Variants in ELL2 observed in about 807,000 individuals in gnomAD.
ELL2 encodes the protein RNA polymerase II elongation factor ELL2.
Under a neutral mutation model 72.8 loss-of-function variants are expected in ELL2, and 21 were observed. The ratio of observed to expected loss-of-function variants is 0.29; its 90% CI spans 0.20 to 0.42. ELL2 has a LOEUF of 0.42. Among genes scored for constraint, ELL2 ranks in the 10% least tolerant of loss-of-function variants. ELL2 has a pLI of 1.00. For missense variants in ELL2, 568 were observed against 772.8 expected (o/e 0.73, Z 3.14); for synonymous variants, 266 against 283.2 (o/e 0.94, Z 0.61).
intron 2 of ELL2, among the ~76,000 whole-genome samples, chr5:95,923,803 C>A (rs1187977516): frequency 6.6e-6 from 1 of 152,176 alleles, no homozygotes; most frequent in Non-Finnish European, 1.5e-5. Flanking sequence ...AATTTTACAT[C>A]CTTAAAATTT....
At chr5:95,927,426 C>CACACACACGTGTGTATATAGACAT (rs1561504335) in intron 2 of ELL2, among the ~76,000 whole-genome samples, 1 of 44,272 alleles carries the variant, frequency 2.3e-5, no homozygotes, top group Non-Finnish European at 3.7e-5. Context: ...TATAGACATA[C>CACACACACGTGTGTATATAGACAT]ACACACACGT....
At position 95,894,468 on chromosome 5, in the gene ELL2, TG is replaced by T. The variant is rs1333207621; in HGVS notation, c.1589+1159del. On this transcript the variant is annotated intron_variant, in intron 9 of 11. Coordinates refer to ENST00000237853, the MANE Select transcript of ELL2 (RefSeq NM_012081.6). ...TAAAGACTTCTAAGGAGAAGTCGTT[TG>T]CAGTTAAAGAGGTGAACCCCCTCAG... Among the ~76,000 whole-genome samples, 3 of 152,222 alleles carry T rather than the reference TG, an allele frequency of 2.0e-5. No individual in the cohort carries two copies. In the East Asian group the frequency reaches 5.8e-4, roughly 29 times the overall value.
chr5:95,887,606 TG>T lies in ELL2; in HGVS notation c.*1264del, dbSNP rs1370821933. The stretch of plus-strand genomic sequence containing the variant: ...TTATGTTCCCACATGATAAAACAAG[TG>T]ACAGTTTAAATCAATGTCAACAGAT... On this transcript the variant is annotated 3_prime_UTR_variant, in exon 12 of 12. Transcript: ENST00000237853. 2 of 152,632 alleles carry T rather than the reference TG, an allele frequency of 1.3e-5. No individual in the cohort carries two copies. Among genetic ancestry groups the T allele is most frequent in the African/African-American group, 4.8e-5 (2 of 41,452 alleles). 9.5% of individuals were successfully genotyped at this position (152,632 alleles called of 1,614,324 possible).
intron 1 of ELL2, among the ~76,000 whole-genome samples, chr5:95,950,305 G>A (rs1237243126): frequency 6.6e-6 from 1 of 151,910 alleles, no homozygotes; most frequent in Admixed American, 6.6e-5. Flanking sequence ...TTTTTTCTTT[G>A]TTCTTTAAGA....
chr5:95,912,741 C>A (rs1749652778), intron 4 of ELL2, among the ~76,000 whole-genome samples: 1 of 152,142 alleles, frequency 6.6e-6, no homozygotes, highest in Non-Finnish European at 1.5e-5. Context: ...AGCTAAGCAC[C>A]AAGCCCCAGG....
At chr5:95,907,296 A>ATATATATATATATATTTTTTT in intron 4 of ELL2, among the ~76,000 whole-genome samples, 46 of 116,466 alleles carry the variant, frequency 3.9e-4, no homozygotes, top group African/African-American at 1.8e-3. Flanking sequence ...ATATATATAT[A>ATATATATATATATATTTTTTT]TTTTTTTTTT....
intron 2 of ELL2, among the ~76,000 whole-genome samples, chr5:95,920,326 T>TA (rs1750007202): frequency 6.9e-6 from 1 of 145,944 alleles, no homozygotes; most frequent in Non-Finnish European, 1.5e-5. Flanking sequence ...TTTATTTATT[T>TA]TTGAGACGGA....
chr5:95,894,687 T>C (rs565222716), intron 9 of ELL2, among the ~76,000 whole-genome samples: 235 of 152,356 alleles, frequency 1.5e-3, no homozygotes, highest in African/African-American at 4.8e-3. Flanking sequence ...ACCAGCATTA[T>C]GGTTTCATAC....
chr5:95,899,343 T>TA (rs1749035684), intron 7 of ELL2, among the ~76,000 whole-genome samples: 1 of 152,240 alleles, frequency 6.6e-6, no homozygotes, highest in African/African-American at 2.4e-5. Context: ...ATGCTCCAGT[T>TA]AAGAGTATTT....
chr5:95,910,795 G>A (rs1749560269), intron 4 of ELL2, among the ~76,000 whole-genome samples: 3 of 152,118 alleles, frequency 2.0e-5, no homozygotes, highest in South Asian at 4.1e-4. Context: ...TTGTCCTGCA[G>A]GTACCTCGAA....
At chr5:95,958,468 G>A (rs984393743) in intron 1 of ELL2, among the ~76,000 whole-genome samples, 2 of 152,146 alleles carry the variant, frequency 1.3e-5, no homozygotes, top group African/African-American at 2.4e-5. Context: ...AAGTACCAAC[G>A]GTACATTCAG....
At chr5:95,922,253 A>T (rs1190914265) in intron 2 of ELL2, among the ~76,000 whole-genome samples, 1 of 152,154 alleles carries the variant, frequency 6.6e-6, no homozygotes. Flanking sequence ...TAGTAGACAC[A>T]GGGTTTCACT....
At chr5:95,899,823 G>C (rs1370754098) in intron 7 of ELL2, among the ~76,000 whole-genome samples, 1 of 152,176 alleles carries the variant, frequency 6.6e-6, no homozygotes, top group African/African-American at 2.4e-5. Context: ...CACAGACATT[G>C]TATATATGCA....
At chr5:95,895,781 A>G in intron 8 of ELL2, 90 bp from the exon 9 acceptor site, 1 of 1,008,648 alleles carries the variant, frequency 9.9e-7, no homozygotes, top group East Asian at 2.4e-5. Context: ...AAACATCTGG[A>G]ACACTTTTCC....
rs1452894563 is a variant in ELL2 at position 95,961,526 on chromosome 5, G to C, written c.147+49C>G. On this transcript the variant is annotated intron_variant, in intron 1 of 11. Coordinates refer to ENST00000237853, the MANE Select transcript of ELL2 (RefSeq NM_012081.6). ...GCACCCGGGCGCGGCCAGGCCGTGA[G>C]GGGTGCGCTCTGCCTCTCTGAGCCC... 6.0e-6 allele frequency: 9 copies of C among 1,489,016 alleles called. No homozygotes were observed. In the East Asian group the frequency reaches 2.6e-4, roughly 42 times the overall value. The allele number at this position is 1,489,016 out of a possible 1,614,324, so 92.2% of individuals were successfully genotyped here.
chr5:95,948,453 A>AAAAAAAAAAAAAAAAAC (rs1751258288), intron 1 of ELL2, among the ~76,000 whole-genome samples: 1 of 144,982 alleles, frequency 6.9e-6, no homozygotes. Flanking sequence ...AAAAAAAAAA[A>AAAAAAAAAAAAAAAAAC]GCCACAGGAA....
rs138056188 is a variant in ELL2, at chr5:95,946,073, G to A, written c.148-3024C>T. Among the ~76,000 whole-genome samples, 191 of 152,200 alleles carry A rather than the reference G, an allele frequency of 1.3e-3. 1 individual carries two copies. The highest frequency in any genetic ancestry group is 4.5e-3 in the African/African-American group (188 of 41,534). On this transcript the variant is annotated intron_variant, in intron 1 of 11. Coordinates refer to ENST00000237853, the MANE Select transcript of ELL2 (RefSeq NM_012081.6). ...CTATTGGAGGCTCTCTCAATTTTTT[G>A]TATAAGAGAGTTGCTCAAAGAAGTG... is the stretch of plus-strand genomic sequence containing the variant.
Position 95,898,393 on chromosome 5 carries a change from A to G in ELL2, c.1372T>C (p.Ser458Pro). ...GACTTCTTTTTGGACTTTTTGTGAG[A>G]CATTGAATGGTTTTCTTCCATAGGC... Reference protein sequence around the residue: ...PKPMEENHSMSHKKSKKKSKK... With the variant: ...PKPMEENHSMPHKKSKKKSKK... The change falls in exon 8 of 12, where the codon TCT becomes CCT. Residue 458 changes from serine (S) to proline (P), a missense_variant. Coordinates refer to ENST00000237853, the MANE Select transcript of ELL2 (RefSeq NM_012081.6). The G allele has an allele frequency of 6.2e-7, 1 of 1,613,238 alleles. No homozygotes were observed. The highest frequency in any genetic ancestry group is 8.5e-7 in the Non-Finnish European group (1 of 1,179,856).
In ELL2 at chr5:95,889,286, C is replaced by G. The variant is rs557774968; in HGVS notation, c.1762-156G>C. 6.9e-4 allele frequency among the ~76,000 whole-genome samples: 105 copies of G among 152,226 alleles called. 1 individual carries two copies. The highest frequency in any genetic ancestry group is 1.9e-3 in the African/African-American group (80 of 41,532). On this transcript the variant is annotated intron_variant, in intron 10 of 11. Transcript: ENST00000237853. ...TGGAAGGCAATGTGGCAACAGCTAT[C>G]AAAATAGTAAATGCAAAATCGACTC...
Sources: gnomAD v4.1 joint callset for allele counts (sites outside exome capture counted in the v4.1 genomes callset) on GRCh38, gnomAD v4.1.1 for gene constraint, MANE v1.5 for transcripts, NCBI Gene and HGNC (gene_info 2026-07-23, HGNC 2026-07-21) for gene names.